The following CLDN16 variants were observed in gnomAD, a reference collection of about 807,000 sequenced individuals.
The protein encoded by CLDN16 is claudin-16.
In CLDN16, 13 loss-of-function variants were observed where a neutral mutation model predicts 24.6. The ratio of observed to expected loss-of-function variants is 0.53; its 90% CI spans 0.34 to 0.84. CLDN16 has a LOEUF of 0.84. Among genes scored for constraint, CLDN16 ranks in the 40% least tolerant of loss-of-function variants. The pLI is 0.01. For missense variants in CLDN16, 298 were observed against 292.7 expected, an observed-to-expected ratio of 1.02 and a Z score of -0.13; for synonymous variants, 116 against 106.7, an observed-to-expected ratio of 1.09 and a Z score of -0.54.
At chr3:190,365,733 A>G (rs1718008255) in intron 1 of CLDN16, among the ~76,000 whole-genome samples, 1 of 151,478 alleles carries the variant, frequency 6.6e-6, no homozygotes, top group African/African-American at 2.4e-5. Flanking sequence ...TCCAGTATAT[A>G]CACAGTCTCC....
chr3:190,307,097 C>A, the CLDN16 span: 4 of 152,608 alleles, frequency 2.6e-5, no homozygotes, highest in Non-Finnish European at 5.9e-5. Flanking sequence ...AATATTCACA[C>A]TACCTCTTCT....
In CLDN16 at chr3:190,374,733, T is replaced by C. The variant is rs181850391; in HGVS notation, n.306+130T>C. 1.3e-4 allele frequency: 20 copies of C among 152,100 alleles called. 1 individual carries two copies. In the East Asian group the frequency reaches 3.7e-3, roughly 28 times the overall value. 9.4% of individuals were successfully genotyped at this position (152,100 alleles called of 1,614,324 possible). Reference sequence around the variant, plus strand: ...TTATTTTCAAAAAGAACAACAACACTTGTTAGTTAAAATAAACAAAAAAGA... The same window carrying C: ...TTATTTTCAAAAAGAACAACAACACCTGTTAGTTAAAATAAACAAAAAAGA... On this transcript the variant is annotated intron_variant and non_coding_transcript_variant, in intron 3 of 4. Coordinates refer to the CLDN16 transcript ENST00000468220.
At chr3:190,328,320 G>A (rs1717113531) in intron 1 of CLDN16, among the ~76,000 whole-genome samples, 2 of 151,954 alleles carry the variant, frequency 1.3e-5, no homozygotes, top group Non-Finnish European at 2.9e-5. Flanking sequence ...CTTGATTTTT[G>A]GGATAAGACA....
rs143721561 is a variant in CLDN16, at chr3:190,393,228, G to C, written c.114+4785G>C. ...CAAGAGTTTAAATGAATGAAAATTA[G>C]TATCTATACAGAAACCTTCATGGAG... On this transcript the variant is annotated intron_variant, in intron 1 of 4. Transcript: ENST00000264734. Among the ~76,000 whole-genome samples, 21 of 152,296 alleles carry C rather than the reference G, an allele frequency of 1.4e-4. No individual in the cohort carries two copies. In the East Asian group the frequency reaches 3.5e-3, roughly 25 times the overall value.
chr3:190,392,660 A>G (rs1718710310), intron 1 of CLDN16, among the ~76,000 whole-genome samples: 1 of 152,178 alleles, frequency 6.6e-6, no homozygotes, highest in African/African-American at 2.4e-5. Flanking sequence ...CTAAACTAGG[A>G]CTTGAAGAAC....
chr3:190,327,822 C>T (rs1560079181), intron 1 of CLDN16, among the ~76,000 whole-genome samples: 1 of 152,166 alleles, frequency 6.6e-6, no homozygotes, highest in Non-Finnish European at 1.5e-5. Context: ...AATTAGTGAA[C>T]AGATGGATGG....
At chr3:190,357,384 C>T (rs1473041573) in intron 1 of CLDN16, among the ~76,000 whole-genome samples, 3 of 151,854 alleles carry the variant, frequency 2.0e-5, no homozygotes, top group Non-Finnish European at 4.4e-5. Context: ...TCCTTACAGC[C>T]AATACTTTGG....
intron 1 of CLDN16, among the ~76,000 whole-genome samples, chr3:190,330,024 A>G (rs989023144): frequency 1.3e-5 from 2 of 151,700 alleles, no homozygotes; most frequent in East Asian, 3.9e-4. Context: ...TTGTAGAAGA[A>G]ATATCTCAAC....
intron 1 of CLDN16, among the ~76,000 whole-genome samples, chr3:190,329,406 A>T (rs2108621974): frequency 6.6e-6 from 1 of 152,342 alleles, no homozygotes; most frequent in South Asian, 2.1e-4. Context: ...GAGATCAAAC[A>T]TTGGATAGGA....
intron 1 of CLDN16, among the ~76,000 whole-genome samples, chr3:190,365,498 A>G (rs1718001489): frequency 1.3e-5 from 2 of 149,220 alleles, no homozygotes; most frequent in South Asian, 2.2e-4. Context: ...TTTGGTCACC[A>G]TCTTCCGTGA....
At chr3:190,306,679 C>T in the CLDN16 span, 1 of 152,682 alleles carries the variant, frequency 6.5e-6, no homozygotes, top group African/African-American at 2.4e-5. Context: ...TGCCAACACC[C>T]TTTCCATTAC....
At chr3:190,369,915 A>G (rs1171990292) in intron 1 of CLDN16, among the ~76,000 whole-genome samples, 1 of 152,014 alleles carries the variant, frequency 6.6e-6, no homozygotes, top group Non-Finnish European at 1.5e-5. Flanking sequence ...GTCTGAGTAG[A>G]TGAAACCTGT....
intron 1 of CLDN16, among the ~76,000 whole-genome samples, chr3:190,388,731 C>A (rs958888950): frequency 6.6e-6 from 1 of 152,116 alleles, no homozygotes; most frequent in African/African-American, 2.4e-5. Flanking sequence ...GCTACTGAGA[C>A]CTCCAGAAAT....
At chr3:190,332,599 G>C (rs1005240518) in intron 1 of CLDN16, among the ~76,000 whole-genome samples, 1 of 152,080 alleles carries the variant, frequency 6.6e-6, no homozygotes, top group African/African-American at 2.4e-5. Context: ...TATCTCTAAG[G>C]TCTCCTCCGA....
intron 1 of CLDN16, among the ~76,000 whole-genome samples, chr3:190,362,398 G>A (rs542343248): frequency 5.3e-5 from 8 of 151,866 alleles, no homozygotes; most frequent in African/African-American, 1.2e-4. Flanking sequence ...ACCTCACTTC[G>A]ACCCCCTCTG....
At chr3:190,340,539 G>C (rs112586689) in intron 1 of CLDN16, among the ~76,000 whole-genome samples, 5,956 of 152,148 alleles carry the variant, frequency 0.039, 389 homozygotes, top group African/African-American at 0.13. Flanking sequence ...TCAATTACCT[G>C]CTACCAGGTC....
chr3:190,393,254 C>G (rs1019505166), intron 1 of CLDN16, among the ~76,000 whole-genome samples: 11 of 152,086 alleles, frequency 7.2e-5, no homozygotes, highest in African/African-American at 2.7e-4. Context: ...CTTCATGGAG[C>G]AATGTCCCTG....
At chr3:190,364,274 G>A (rs1404458108) in intron 1 of CLDN16, among the ~76,000 whole-genome samples, 2 of 151,868 alleles carry the variant, frequency 1.3e-5, no homozygotes, top group Non-Finnish European at 2.9e-5. Context: ...TTTGGTTGAG[G>A]GAGATGTAGC....
intron 3 of CLDN16, among the ~76,000 whole-genome samples, chr3:190,377,580 C>G (rs1718272615): frequency 1.3e-5 from 2 of 151,978 alleles, no homozygotes; most frequent in African/African-American, 4.8e-5. Flanking sequence ...AAATAAGTAA[C>G]AGTTACTGGT....
Sources: allele counts gnomAD v4.1 joint callset (sites outside exome capture counted in the v4.1 genomes callset), GRCh38; gene constraint gnomAD v4.1.1; transcripts MANE v1.5; gene names NCBI Gene and HGNC (gene_info 2026-07-23, HGNC 2026-07-21).